The following LDB3 variants were observed in gnomAD, a reference collection of about 807,000 sequenced individuals.
The protein encoded by LDB3 is LIM domain-binding protein 3.
In LDB3, 49 loss-of-function variants were observed where a neutral mutation model predicts 69.0. The observed-to-expected ratio is 0.71, with a 90% confidence interval of 0.56 to 0.90. The LOEUF (loss-of-function observed/expected upper bound fraction) is 0.90, where lower values mean the gene tolerates loss of function less well. Ranked by LOEUF, LDB3 falls within the 40% of genes least tolerant of loss-of-function variation. The pLI is 0.00. For synonymous variants in LDB3, 387 were observed against 396.2 expected, an observed-to-expected ratio of 0.98 and a Z score of 0.28; for missense variants, 928 against 974.1, an observed-to-expected ratio of 0.95 and a Z score of 0.63.
intron 12 of LDB3, among the ~76,000 whole-genome samples, chr10:86,720,369 G>A (rs750526072): frequency 1.8e-4 from 27 of 152,006 alleles, no homozygotes; most frequent in South Asian, 2.1e-4. Flanking sequence ...GCTTGAACCC[G>A]GGAGGCAGAG....
At chr10:86,713,288 C>T (rs113746950) in intron 9 of LDB3, among the ~76,000 whole-genome samples, 23 of 151,950 alleles carry the variant, frequency 1.5e-4, no homozygotes, top group African/African-American at 5.6e-4. Context: ...CTTTTGTTGC[C>T]CAGGCTGGAG....
chr10:86,717,579 G>A lies in LDB3; in HGVS notation c.1677-385G>A, dbSNP rs118060307. ...ATAGTACCTAGTGCGTAGGATTGTT[G>A]TGAGAATTAAGCAAGTTAATAAATG... On this transcript the variant is annotated intron_variant, in intron 10 of 13. Transcript: ENST00000361373. Among the ~76,000 whole-genome samples the A allele has an allele frequency of 3.3e-3, 510 of 152,324 alleles. 23 individuals carry two copies. The East Asian group carries it at 0.082, about 25-fold the overall frequency.
rs561806150 is a variant in LDB3, at chr10:86,671,076, C to T, written c.93+2292C>T. On this transcript the variant is annotated intron_variant, in intron 2 of 13. Transcript: ENST00000361373. ...ACCCCACTCCCACCCCAGCCAGGAC[C>T]TGAGCCTGTGCCATAGGGCACCAGA... 3.9e-5 allele frequency among the ~76,000 whole-genome samples: 6 copies of T among 152,104 alleles called. No homozygotes were observed. The South Asian group carries it at 1.2e-3, about 32-fold the overall frequency.
intron 5 of LDB3, among the ~76,000 whole-genome samples, chr10:86,688,053 G>GTGTGTGTGTGTGTA (rs1449025749): frequency 2.1e-5 from 2 of 93,606 alleles, no homozygotes; most frequent in Non-Finnish European, 4.0e-5. Context: ...CGACCCTCGT[G>GTGTGTGTGTGTGTA]TGTGTGTGTG....
intron 2 of LDB3, among the ~76,000 whole-genome samples, chr10:86,676,721 G>A (rs750643693): frequency 2.6e-5 from 4 of 152,236 alleles, no homozygotes; most frequent in African/African-American, 4.8e-5. Flanking sequence ...TAATGTGGTC[G>A]TGCAGAAACA....
rs1027671457 is a variant in LDB3 at position 86,702,615 on chromosome 10, G to A, written c.897-3916G>A. Reference sequence around the variant, plus strand: ...ATGTTTAAACTGAATTATGACTAAGGCAGGAGGCAACTGTAGACCTTAGAT... The same window carrying A: ...ATGTTTAAACTGAATTATGACTAAGACAGGAGGCAACTGTAGACCTTAGAT... On this transcript the variant is annotated intron_variant, in intron 7 of 13. Transcript: ENST00000361373. 2.6e-5 allele frequency among the ~76,000 whole-genome samples: 4 copies of A among 152,176 alleles called. No homozygotes were observed. The East Asian group carries it at 5.8e-4, about 22-fold the overall frequency.
intron 3 of LDB3, among the ~76,000 whole-genome samples, chr10:86,679,814 C>T (rs1037472946): frequency 6.6e-6 from 1 of 152,218 alleles, no homozygotes; most frequent in Admixed American, 6.5e-5. Flanking sequence ...TCCACTTTGC[C>T]CAGGCAGCCC....
chr10:86,681,838 CT>C (rs778367138), intron 5 of LDB3, 35 bp downstream of exon 5: 7 of 1,539,790 alleles, frequency 4.5e-6, no homozygotes, highest in Non-Finnish European at 6.1e-6. Context: ...CACAGGTGGC[CT>C]GGGCCACCTG....
At chr10:86,714,656 C>T (rs1450892208) in intron 9 of LDB3, among the ~76,000 whole-genome samples, 3 of 150,816 alleles carry the variant, frequency 2.0e-5, no homozygotes, top group South Asian at 2.1e-4. Context: ...CCTGGGTTCA[C>T]GCCATTCTCC....
chr10:86,727,703 C>A (rs1364609284), intron 13 of LDB3, among the ~76,000 whole-genome samples: 1 of 152,194 alleles, frequency 6.6e-6, no homozygotes, highest in African/African-American at 2.4e-5. Context: ...TGCTAGCAAT[C>A]CTTGGCATTT....
chr10:86,690,877 G>A (rs1238597633), intron 5 of LDB3, among the ~76,000 whole-genome samples: 2 of 152,212 alleles, frequency 1.3e-5, no homozygotes, highest in African/African-American at 4.8e-5. Flanking sequence ...GCCCTTATCT[G>A]CTGTAACCTG....
At chr10:86,722,079 AC>A (rs1437566467) in intron 12 of LDB3, among the ~76,000 whole-genome samples, 2 of 152,204 alleles carry the variant, frequency 1.3e-5, no homozygotes, top group Non-Finnish European at 2.9e-5. Flanking sequence ...TGCAGAAATA[AC>A]TTTTGCAGAA....
chr10:86,733,262 G>A lies in LDB3; in HGVS notation c.*286G>A, dbSNP rs1439532661. The A allele has an allele frequency of 2.5e-6, 1 of 400,764 alleles. No individual in the cohort carries two copies. Among genetic ancestry groups the A allele is most frequent in the Non-Finnish European group, 4.7e-6 (1 of 211,404 alleles). 24.8% of individuals were successfully genotyped at this position (400,764 alleles called of 1,614,324 possible). ...AATTCCAAGAACTCAAAAGTGAAAAGCAACAAGCAGCTTTCCCAAAGCGAT... is the reference window on the plus strand; with the variant it reads ...AATTCCAAGAACTCAAAAGTGAAAAACAACAAGCAGCTTTCCCAAAGCGAT... On this transcript the variant is annotated 3_prime_UTR_variant, in exon 14 of 14. Coordinates refer to ENST00000361373, the MANE Select transcript of LDB3 (RefSeq NM_007078.3).
At position 86,718,016 on chromosome 10, in the gene LDB3, T is replaced by G; in HGVS notation, c.1729T>G (p.Cys577Gly). 1 of 1,614,240 alleles carries G rather than the reference T, an allele frequency of 6.2e-7. No individual in the cohort carries two copies. Among genetic ancestry groups the G allele is most frequent in the Non-Finnish European group, 8.5e-7 (1 of 1,180,034 alleles). Residue 577 changes from cysteine to glycine, a missense_variant, in exon 11 of 14, where the codon TGT becomes GGT. Cys to Gly is a radical substitution (Grantham distance 159). Coordinates refer to ENST00000361373, the MANE Select transcript of LDB3 (RefSeq NM_007078.3). ...GRSWHPEEFT[C>G]AYCKTSLADV... ...TTCTTGGCACCCTGAAGAGTTCACC[T>G]GTGCCTACTGCAAGACTTCCCTGGC...
At chr10:86,685,801 C>G in intron 5 of LDB3, 1 of 1,317,932 alleles carries the variant, frequency 7.6e-7, no homozygotes, top group South Asian at 1.2e-5. Flanking sequence ...GGCATGTGTA[C>G]ATGTATGTGC....
intron 13 of LDB3, among the ~76,000 whole-genome samples, chr10:86,731,117 T>C (rs1847440402): frequency 6.8e-6 from 1 of 147,018 alleles, no homozygotes; most frequent in East Asian, 2.1e-4. Context: ...ATCGCGCCAC[T>C]GCACTCCAGC....
chr10:86,682,537 C>T (rs1845219822), intron 5 of LDB3, among the ~76,000 whole-genome samples: 1 of 152,172 alleles, frequency 6.6e-6, no homozygotes, highest in South Asian at 2.1e-4. Flanking sequence ...GGAGTCCCCA[C>T]ACTGGGCCTG....
intron 2 of LDB3, among the ~76,000 whole-genome samples, chr10:86,674,618 C>A (rs141792542): frequency 6.6e-6 from 1 of 151,950 alleles, no homozygotes; most frequent in South Asian, 2.1e-4. Flanking sequence ...GGCCCATTGG[C>A]GGGAGAAGAC....
intron 2 of LDB3, among the ~76,000 whole-genome samples, chr10:86,674,995 G>T (rs1210002193): frequency 6.6e-6 from 1 of 151,626 alleles, no homozygotes; most frequent in Non-Finnish European, 1.5e-5. Context: ...AGCACCCCCA[G>T]CCCCCACCCT....
Sources: allele counts gnomAD v4.1 joint callset (sites outside exome capture counted in the v4.1 genomes callset), GRCh38; gene constraint gnomAD v4.1.1; transcripts MANE v1.5; gene names NCBI Gene and HGNC (gene_info 2026-07-23, HGNC 2026-07-21).